The following MAP4 variants were observed in gnomAD, a reference collection of about 807,000 sequenced individuals.
MAP4 encodes the protein microtubule associated protein 4, also known as microtubule-associated protein 4.
A neutral mutation model predicts 170.2 loss-of-function variants in MAP4; 76 were observed. The observed-to-expected ratio is 0.45, with a 90% confidence interval of 0.37 to 0.54. The LOEUF (loss-of-function observed/expected upper bound fraction) is 0.54. Ranked by LOEUF, MAP4 falls within the 20% of genes least tolerant of loss-of-function variation. MAP4 has a pLI of 0.00. For synonymous variants in MAP4, 909 were observed against 994.5 expected (o/e 0.91, Z 1.62); for missense variants, 2,506 against 2,748.0 (o/e 0.91, Z 1.97).
At chr3:48,061,327 C>A (rs1377612615) in intron 1 of MAP4, among the ~76,000 whole-genome samples, 1 of 150,028 alleles carries the variant, frequency 6.7e-6, no homozygotes, top group Non-Finnish European at 1.5e-5. Flanking sequence ...CGAGTGCCTG[C>A]GATTGCAGGC....
intron 10 of MAP4, among the ~76,000 whole-genome samples, chr3:47,888,244 AAG>A (rs909810723): frequency 3.3e-5 from 5 of 152,170 alleles, no homozygotes; most frequent in African/African-American, 1.2e-4. Flanking sequence ...GGGCCCAGAT[AAG>A]AGAATAAAAG....
chr3:47,975,333 C>T (rs1382158978), intron 3 of MAP4: 1 of 1,542,780 alleles, frequency 6.5e-7, no homozygotes, highest in African/African-American at 1.4e-5. Flanking sequence ...CCCTCAGTTT[C>T]TTCTACATCA....
intron 10 of MAP4, among the ~76,000 whole-genome samples, chr3:47,896,465 G>A (rs1004609908): frequency 6.6e-6 from 1 of 152,140 alleles, no homozygotes; most frequent in Non-Finnish European, 1.5e-5. Flanking sequence ...GGAGGCAGAG[G>A]TTGCAGTGAG....
intron 1 of MAP4, among the ~76,000 whole-genome samples, chr3:48,013,214 T>C (rs1380027223): frequency 1.3e-5 from 2 of 152,106 alleles, no homozygotes; most frequent in East Asian, 1.9e-4. Flanking sequence ...ACATATTTTA[T>C]GGATAAAAGG....
At chr3:47,997,587 G>A (rs1160433720) in intron 2 of MAP4, among the ~76,000 whole-genome samples, 1 of 150,972 alleles carries the variant, frequency 6.6e-6, no homozygotes, top group Non-Finnish European at 1.5e-5. Flanking sequence ...TAAGTAAACA[G>A]AAGAAAGGAA....
At chr3:47,946,866 T>C (rs2100060373) in intron 3 of MAP4, among the ~76,000 whole-genome samples, 1 of 152,152 alleles carries the variant, frequency 6.6e-6, no homozygotes, top group South Asian at 2.1e-4. Context: ...ATTTAAATTA[T>C]GCCAGAAATT....
At chr3:47,947,381 A>G (rs1260454642) in intron 3 of MAP4, among the ~76,000 whole-genome samples, 1 of 152,166 alleles carries the variant, frequency 6.6e-6, no homozygotes, top group South Asian at 2.1e-4. Flanking sequence ...TCAGCCAGGT[A>G]GGGATTTTGA....
rs778312674 is a variant in MAP4 at position 47,911,317 on chromosome 3, T to C, written c.3104A>G (p.Gln1035Arg). Residue 1035 changes from glutamine to arginine, a missense_variant, in exon 9 of 21, where the codon CAG (glutamine) becomes CGG (arginine). This residue lies in a region of MAP4 where 2,008 missense variants were observed against 2,206.0 expected (regional missense o/e 0.91). Transcript: ENST00000683076. This position sits in a 1 kb window ranked among gnomAD's most constrained non-coding sequence, Gnocchi z 4.0. ...RQEISIFTSE[Q>R]LQGQVLVQVP... The stretch of plus-strand genomic sequence containing the variant: ...CTGTACCAACACTTGGCCCTGCAGC[T>C]GCTCAGAAGTAAAGATGCTGATCTC... 2.4e-5 allele frequency: 37 copies of C among 1,536,056 alleles called. No homozygotes were observed. In the South Asian group the frequency reaches 4.0e-4, roughly 17 times the overall value.
rs931266046 is a variant in MAP4 at position 47,852,833 on chromosome 3, C to A, written c.*101G>T. 22 of 1,553,034 alleles carry A rather than the reference C, an allele frequency of 1.4e-5. No individual in the cohort carries two copies. The highest frequency in any genetic ancestry group is 1.7e-5 in the Non-Finnish European group (20 of 1,148,276). ...GAAAGGGGGCCAAGGACCCGGGAGC[C>A]CGAGTTGGGGCCGCCAGGGAAGTGT... is the stretch of plus-strand genomic sequence containing the variant. On this transcript the variant is annotated 3_prime_UTR_variant, in exon 21 of 21. Transcript: ENST00000683076.
intron 2 of MAP4, among the ~76,000 whole-genome samples, chr3:47,988,000 C>T (rs1423840761): frequency 1.3e-5 from 2 of 152,120 alleles, no homozygotes; most frequent in Non-Finnish European, 2.9e-5. Context: ...TGAGACCATC[C>T]TGGCTAACAC....
At chr3:48,068,219 C>T (rs531389198) in intron 1 of MAP4, among the ~76,000 whole-genome samples, 4 of 140,416 alleles carry the variant, frequency 2.8e-5, no homozygotes, top group East Asian at 2.1e-4. Context: ...GAGCCAAGAT[C>T]GTGCCACTGC....
chr3:48,010,682 T>A lies in MAP4; in HGVS notation c.-20+5652A>T, dbSNP rs368716125. 2.6e-5 allele frequency among the ~76,000 whole-genome samples: 4 copies of A among 152,164 alleles called. No homozygotes were observed. The East Asian group carries it at 5.8e-4, about 22-fold the overall frequency. On this transcript the variant is annotated intron_variant, in intron 1 of 20. Coordinates refer to ENST00000683076, the MANE Select transcript of MAP4 (RefSeq NM_001385682.1). ...GCAATATTGATCCTGGGTGTATCTG[T>A]GAGGGTGTTGCCAAAGGAGATTAAC...
At chr3:48,010,279 A>C (rs950383124) in intron 1 of MAP4, among the ~76,000 whole-genome samples, 3 of 152,186 alleles carry the variant, frequency 2.0e-5, no homozygotes, top group Non-Finnish European at 2.9e-5. Flanking sequence ...ACCAGCTATG[A>C]CCACGTGACC....
chr3:47,997,214 C>T (rs1459546835), intron 2 of MAP4, among the ~76,000 whole-genome samples: 1 of 149,832 alleles, frequency 6.7e-6, no homozygotes, highest in East Asian at 1.9e-4. Context: ...AAGATAATGG[C>T]CAAAAATTTC....
intron 3 of MAP4, among the ~76,000 whole-genome samples, chr3:47,977,214 A>G (rs1219186794): frequency 6.6e-6 from 1 of 152,190 alleles, no homozygotes; most frequent in Non-Finnish European, 1.5e-5. Flanking sequence ...ACTTAAGAAA[A>G]TATTTATATA....
chr3:47,975,794 T>G (rs1224888323), intron 3 of MAP4, among the ~76,000 whole-genome samples: 1 of 147,464 alleles, frequency 6.8e-6, no homozygotes. Context: ...TAAAGTATCT[T>G]TTTTTTTTTT....
chr3:47,994,584 G>A (rs2100094295), intron 2 of MAP4, among the ~76,000 whole-genome samples: 1 of 152,132 alleles, frequency 6.6e-6, no homozygotes. Context: ...TTTGATCCAT[G>A]TAACATTAAC....
intron 1 of MAP4, among the ~76,000 whole-genome samples, chr3:48,078,601 A>G (rs546544288): frequency 2.6e-5 from 4 of 152,236 alleles, no homozygotes; most frequent in African/African-American, 9.6e-5. Flanking sequence ...ATGACCTTCT[A>G]AAGGTGAAAC....
At chr3:47,876,270 T>C (rs2095407021) in intron 11 of MAP4, among the ~76,000 whole-genome samples, 3 of 151,986 alleles carry the variant, frequency 2.0e-5, no homozygotes, top group South Asian at 4.1e-4. Context: ...TAGCTGGGAC[T>C]ACCAGCGTGT....
Sources: allele counts gnomAD v4.1 joint callset (sites outside exome capture counted in the v4.1 genomes callset), GRCh38; gene constraint gnomAD v4.1.1; regional missense constraint gnomAD v4.1.1; non-coding constraint Gnocchi (gnomAD v3.1); transcripts MANE v1.5; gene names NCBI Gene and HGNC (gene_info 2026-07-23, HGNC 2026-07-21).